The following MRTFB variants were observed in gnomAD, a reference collection of about 807,000 sequenced individuals.
MRTFB encodes myocardin related transcription factor B, also known as myocardin-related transcription factor B.
A neutral mutation model predicts 104.2 loss-of-function variants in MRTFB; 29 were observed. The observed-to-expected ratio is 0.28, with a 90% CI of 0.21 to 0.38. MRTFB has a LOEUF of 0.38. Among genes scored for constraint, MRTFB ranks in the 10% least tolerant of loss-of-function variants. MRTFB has a pLI of 1.00. For missense variants in MRTFB, 1,270 were observed against 1,341.6 expected (o/e 0.95, Z 0.83); for synonymous variants, 535 against 519.5 (o/e 1.03, Z -0.41).
chr16:14,062,504 G>A, the MRTFB span, among the ~76,000 whole-genome samples: 1 of 152,130 alleles, frequency 6.6e-6, no homozygotes, highest in African/African-American at 2.4e-5. Context: ...AGGTAAGCAG[G>A]GGGAGTGGGC....
intron 2 of MRTFB, among the ~76,000 whole-genome samples, chr16:14,135,606 G>A (rs1025640519): frequency 2.6e-5 from 4 of 152,202 alleles, no homozygotes; most frequent in African/African-American, 9.7e-5. Context: ...CTGTCATTAA[G>A]CATGACTATA....
Position 14,140,779 on chromosome 16 carries a change from A to G in MRTFB, c.154+19A>G, listed in dbSNP as rs764103729. 15 of 1,613,732 alleles carry G rather than the reference A, an allele frequency of 9.3e-6. No homozygotes were observed. In the South Asian group the frequency reaches 9.9e-5, roughly 11 times the overall value. On this transcript the variant is annotated intron_variant, in intron 3 of 16. Coordinates refer to ENST00000571589, the MANE Select transcript of MRTFB (RefSeq NM_001308142.2). ...AAAAATGGTGAGTTCAGCATGTGCA[A>G]TGGGATCTTTGATTTAAAGATTTCC...
In MRTFB at chr16:14,256,208, ACC is replaced by A. The variant is rs941710684; in HGVS notation, c.2704-1890_2704-1889del. ...AAACAGGATAACAAAAAAAAAAAAA[ACC>A]CCAGATGGGATGAATAGAAGACAAA... On this transcript the variant is annotated intron_variant, in intron 15 of 16. Coordinates refer to ENST00000571589, the MANE Select transcript of MRTFB (RefSeq NM_001308142.2). Among the ~76,000 whole-genome samples the A allele has an allele frequency of 2.0e-5, 3 of 150,806 alleles. 1 individual carries two copies. Among genetic ancestry groups the A allele is most frequent in the African/African-American group, 7.3e-5 (3 of 40,840 alleles).
chr16:14,013,547 A>G, the MRTFB span: 1 of 152,264 alleles, frequency 6.6e-6, no homozygotes, highest in African/African-American at 2.4e-5. Context: ...CTTCATTTGC[A>G]GTTAATTAGA....
chr16:14,006,454 A>C, the MRTFB span, among the ~76,000 whole-genome samples: 7 of 151,984 alleles, frequency 4.6e-5, no homozygotes, highest in African/African-American at 1.7e-4. Context: ...CAGAGGTTGC[A>C]GTGAGCTGAG....
At chr16:14,012,855 A>G in the MRTFB span, among the ~76,000 whole-genome samples, 2 of 152,152 alleles carry the variant, frequency 1.3e-5, no homozygotes, top group African/African-American at 4.8e-5. Context: ...GGGGATGAGA[A>G]GGCAAACCGC....
chr16:14,119,311 T>C (rs2036715107), intron 2 of MRTFB, among the ~76,000 whole-genome samples: 1 of 152,250 alleles, frequency 6.6e-6, no homozygotes, highest in Non-Finnish European at 1.5e-5. Context: ...GGCAGTTGGC[T>C]GCCTCTGATT....
chr16:14,223,786 C>A (rs887644821), intron 8 of MRTFB, among the ~76,000 whole-genome samples: 1 of 152,000 alleles, frequency 6.6e-6, no homozygotes, highest in Non-Finnish European at 1.5e-5. Context: ...GAGAAAGGGG[C>A]AAATACAGTA....
chr16:14,051,668 C>A, the MRTFB span, among the ~76,000 whole-genome samples: 2 of 152,032 alleles, frequency 1.3e-5, no homozygotes, highest in Non-Finnish European at 2.9e-5. Flanking sequence ...CAGACACACA[C>A]ACAAATACAC....
At chr16:14,184,175 A>G (rs2039865882) in intron 3 of MRTFB, among the ~76,000 whole-genome samples, 1 of 151,088 alleles carries the variant, frequency 6.6e-6, no homozygotes, top group South Asian at 2.1e-4. Context: ...GTGCTTTGGA[A>G]TCCTGGCCAC....
chr16:14,247,955 AAGG>A (rs2043096562), intron 12 of MRTFB: 1 of 158,076 alleles, frequency 6.3e-6, no homozygotes, highest in Admixed American at 6.1e-5. Context: ...GAGTTCCCCC[AAGG>A]ATGGAGCTGG....
At chr16:14,137,615 G>A (rs1305806182) in intron 2 of MRTFB, among the ~76,000 whole-genome samples, 4 of 151,986 alleles carry the variant, frequency 2.6e-5, no homozygotes, top group Admixed American at 6.5e-5. Context: ...AAAAGTCTAG[G>A]AGTTGTATTT....
intron 3 of MRTFB, among the ~76,000 whole-genome samples, chr16:14,184,702 A>C (rs912614454): frequency 6.6e-6 from 1 of 152,210 alleles, no homozygotes; most frequent in African/African-American, 2.4e-5. Flanking sequence ...TCCTCTCACC[A>C]GGAGTAGAAT....
chr16:14,119,333 G>T lies in MRTFB; in HGVS notation c.-63-21211G>T, dbSNP rs577032086. 1.1e-4 allele frequency among the ~76,000 whole-genome samples: 16 copies of T among 152,320 alleles called. No individual in the cohort carries two copies. In the East Asian group the frequency reaches 3.1e-3, roughly 29 times the overall value. On this transcript the variant is annotated intron_variant, in intron 2 of 16. Transcript: ENST00000571589. ...GGCTGCCTCTGATTGGCTGAAACTA[G>T]GTGATTGGCACAAGAGTAGGTTATA...
intron 2 of MRTFB, among the ~76,000 whole-genome samples, chr16:14,120,293 AAT>A (rs1189518272): frequency 1.3e-5 from 2 of 152,208 alleles, no homozygotes; most frequent in African/African-American, 4.8e-5. Flanking sequence ...TTCACATTAT[AAT>A]CAAGTCATAC....
At chr16:14,239,536 G>T (rs2042671229) in intron 9 of MRTFB, among the ~76,000 whole-genome samples, 1 of 152,084 alleles carries the variant, frequency 6.6e-6, no homozygotes, top group Non-Finnish European at 1.5e-5. Flanking sequence ...GTTTGGATGG[G>T]TTTTTTTCAG....
chr16:14,214,274 T>C (rs1264276842), intron 6 of MRTFB, among the ~76,000 whole-genome samples: 1 of 152,176 alleles, frequency 6.6e-6, no homozygotes, highest in African/African-American at 2.4e-5. Flanking sequence ...TCTTTCATTG[T>C]TTTGCTTCTC....
At chr16:14,233,805 G>A (rs1036720576) in intron 8 of MRTFB, among the ~76,000 whole-genome samples, 420 of 119,288 alleles carry the variant, frequency 3.5e-3, no homozygotes, top group Middle Eastern at 4.8e-3. Flanking sequence ...AAAAAAAAAA[G>A]AATGCCATGT....
intron 2 of MRTFB, among the ~76,000 whole-genome samples, chr16:14,110,666 C>G (rs1193677161): frequency 6.6e-6 from 1 of 152,168 alleles, no homozygotes; most frequent in East Asian, 1.9e-4. Flanking sequence ...CACAGCATGC[C>G]ATCAGTCACC....
Sources: gnomAD v4.1 joint callset for allele counts (sites outside exome capture counted in the v4.1 genomes callset) on GRCh38, gnomAD v4.1.1 for gene constraint, MANE v1.5 for transcripts, NCBI Gene and HGNC (gene_info 2026-07-23, HGNC 2026-07-21) for gene names.